The following HMG20A variants were observed in gnomAD, a reference collection of about 807,000 sequenced individuals.
HMG20A encodes the protein high mobility group 20A, also known as high mobility group protein 20A.
HMG20A carries 17 observed loss-of-function variants against 43.9 expected under a neutral mutation model. The observed-to-expected ratio is 0.39, with a 90% CI of 0.27 to 0.58. The LOEUF (loss-of-function observed/expected upper bound fraction) is 0.58, where lower values mean the gene tolerates loss of function less well. HMG20A is among the 20% of genes least tolerant of loss of function. The probability of loss-of-function intolerance (pLI) is 0.59; values close to 1 mark genes in which losing one functional copy is unlikely to be tolerated. For missense variants in HMG20A, 341 were observed against 438.2 expected (o/e 0.78, Z 1.98); for synonymous variants, 132 against 147.5 (o/e 0.89, Z 0.76).
chr15:77,511,768 G>A, the HMG20A span, among the ~76,000 whole-genome samples: 2 of 152,316 alleles, frequency 1.3e-5, no homozygotes, highest in African/African-American at 4.8e-5. Context: ...AAGCATGGGT[G>A]ATGATGTGAG....
chr15:77,477,187 GA>G (rs899132374), intron 6 of HMG20A, among the ~76,000 whole-genome samples: 1 of 151,678 alleles, frequency 6.6e-6, no homozygotes, highest in African/African-American at 2.4e-5. Context: ...AAAAGTGACT[GA>G]AAAAAAACTA....
At chr15:77,446,631 C>A (rs2073677312) in intron 1 of HMG20A, among the ~76,000 whole-genome samples, 1 of 151,948 alleles carries the variant, frequency 6.6e-6, no homozygotes, top group Non-Finnish European at 1.5e-5. Context: ...TACAGTGAAA[C>A]CCCATCTCTA....
chr15:77,453,577 A>G (rs1264105964), intron 1 of HMG20A, among the ~76,000 whole-genome samples: 1 of 152,202 alleles, frequency 6.6e-6, no homozygotes, highest in Non-Finnish European at 1.5e-5. Context: ...TCCTAGGTAT[A>G]TGCCCAAGAG....
chr15:77,517,328 T>A, the HMG20A span, among the ~76,000 whole-genome samples: 1 of 152,154 alleles, frequency 6.6e-6, no homozygotes, highest in Admixed American at 6.5e-5. Flanking sequence ...GTGTTCCCAG[T>A]GCCCAGCACA....
At chr15:77,459,589 T>G (rs1042372137) in intron 2 of HMG20A, among the ~76,000 whole-genome samples, 1 of 152,190 alleles carries the variant, frequency 6.6e-6, no homozygotes, top group South Asian at 2.1e-4. Context: ...AATAAAGACC[T>G]GAAGGAAATA....
At chr15:77,506,754 A>C in the HMG20A span, among the ~76,000 whole-genome samples, 3 of 152,250 alleles carry the variant, frequency 2.0e-5, no homozygotes, top group Non-Finnish European at 4.4e-5. Context: ...AGAGGCTCCC[A>C]GACCCTGGAG....
chr15:77,483,675 T>A lies in HMG20A; in HGVS notation c.*712T>A, dbSNP rs915547080. 6.5e-6 allele frequency: 1 copy of A among 152,868 alleles called. No individual in the cohort carries two copies. Among genetic ancestry groups the A allele is most frequent in the Non-Finnish European group, 1.5e-5 (1 of 68,208 alleles). 9.5% of individuals were successfully genotyped at this position (152,868 alleles called of 1,614,324 possible). On this transcript the variant is annotated 3_prime_UTR_variant, in exon 10 of 10. Coordinates refer to ENST00000336216, the MANE Select transcript of HMG20A (RefSeq NM_001304504.2). ...ATTGCTGCCCTAAAGGAGAATGCTC[T>A]TTCCTTCCTCACTGGTACTGCCTGC... is the stretch of plus-strand genomic sequence containing the variant.
At chr15:77,452,959 G>C (rs2012756) in intron 1 of HMG20A, among the ~76,000 whole-genome samples, 33,346 of 152,212 alleles carry the variant, frequency 0.22, 4,139 homozygotes, top group Middle Eastern at 0.3. Context: ...GAGTGTGGTG[G>C]CTCACGCCTA....
At position 77,471,805 on chromosome 15, in the gene HMG20A, T is replaced by A; in HGVS notation, c.606T>A (p.His202Gln). 2 of 1,561,358 alleles carry A rather than the reference T, an allele frequency of 1.3e-6. No individual in the cohort carries two copies. The highest frequency in any genetic ancestry group is 1.8e-6 in the Non-Finnish European group (2 of 1,139,260). The change falls in exon 6 of 10, where the codon CAT (histidine) becomes CAA (glutamine). Residue 202 changes from histidine (H) to glutamine (Q), a missense_variant. His to Gln is a conservative substitution (Grantham distance 24, BLOSUM62 0). This residue lies in a region of HMG20A where 220 missense variants were observed against 263.6 expected (regional missense o/e 0.83). Transcript: ENST00000336216. Reference protein sequence around the residue: ...HRQDAARQATHDHEKETEVKE... With the variant: ...HRQDAARQATQDHEKETEVKE... Reference sequence around the variant, plus strand: ...TAGATGCAGCCCGGCAGGCCACTCATGATCATGAGGTAATTAGCCATCTGT... The same window carrying A: ...TAGATGCAGCCCGGCAGGCCACTCAAGATCATGAGGTAATTAGCCATCTGT...
chr15:77,488,791 C>CT (rs575012635), downstream of HMG20A, among the ~76,000 whole-genome samples: 4 of 152,158 alleles, frequency 2.6e-5, no homozygotes, highest in Non-Finnish European at 5.9e-5. Context: ...AAATGAGAAA[C>CT]TATCAGAATG....
At chr15:77,441,202 C>T (rs2073609497) in intron 1 of HMG20A, among the ~76,000 whole-genome samples, 1 of 152,074 alleles carries the variant, frequency 6.6e-6, no homozygotes, top group Non-Finnish European at 1.5e-5. Context: ...CCAAGTTCCA[C>T]AGCTAATACG....
In HMG20A at chr15:77,467,225, C is replaced by T; in HGVS notation, c.368C>T (p.Ala123Val). The T allele has an allele frequency of 1.2e-6, 2 of 1,614,096 alleles. No individual in the cohort carries two copies. The highest frequency in any genetic ancestry group is 1.7e-6 in the Non-Finnish European group (2 of 1,180,004). The change falls in exon 4 of 10, where the codon GCA becomes GTA. Residue 123 changes from alanine (A) to valine (V), a missense_variant. Ala to Val is a moderately conservative substitution (Grantham distance 64). This residue lies in a region of HMG20A where 220 missense variants were observed against 263.6 expected (regional missense o/e 0.83). Transcript: ENST00000336216. Reference sequence around the variant, plus strand: ...AATGAGCGTCGAGAACAACTTCGAGCAAAGAGACCAGAAGTCCCATTTCCA... The same window carrying T: ...AATGAGCGTCGAGAACAACTTCGAGTAAAGAGACCAGAAGTCCCATTTCCA... ...FMNERREQLR[A>V]KRPEVPFPEI... is the part of the protein sequence containing the mutation.
intron 1 of HMG20A, among the ~76,000 whole-genome samples, chr15:77,424,374 G>T (rs1209187148): frequency 6.6e-6 from 1 of 152,134 alleles, no homozygotes; most frequent in African/African-American, 2.4e-5. Flanking sequence ...CCCAAATTCA[G>T]CACTGGTCTC....
intron 1 of HMG20A, among the ~76,000 whole-genome samples, chr15:77,452,931 A>G (rs934620168): frequency 6.6e-6 from 1 of 152,334 alleles, no homozygotes; most frequent in East Asian, 1.9e-4. Context: ...CCAATTTTAA[A>G]AATGAGCAAA....
At chr15:77,453,875 T>C (rs894809826) in intron 1 of HMG20A, among the ~76,000 whole-genome samples, 7 of 151,752 alleles carry the variant, frequency 4.6e-5, no homozygotes, top group South Asian at 2.1e-4. Flanking sequence ...GGTACAGTTA[T>C]AAAGACAGAA....
At chr15:77,503,702 G>A in the HMG20A span, among the ~76,000 whole-genome samples, 1 of 152,208 alleles carries the variant, frequency 6.6e-6, no homozygotes. Flanking sequence ...CCTGGTCAGT[G>A]GTGCTCCCTC....
At position 77,485,449 on chromosome 15, in the gene HMG20A, T is replaced by G. The variant is rs181834443; in HGVS notation, c.*2486T>G. The G allele has an allele frequency of 2.0e-5, 3 of 152,774 alleles. No homozygotes were observed. The highest frequency in any genetic ancestry group is 2.0e-4 in the Admixed American group (3 of 15,300). The allele number at this position is 152,774 out of a possible 1,614,324, so 9.5% of individuals were successfully genotyped here. ...ACAAGGTATTTTATTTCTGACTGAT[T>G]TTAGAAAAAACTTGTGTACATGTGT... On this transcript the variant is annotated 3_prime_UTR_variant, in exon 10 of 10. Transcript: ENST00000336216.
the HMG20A span, among the ~76,000 whole-genome samples, chr15:77,492,586 G>A: frequency 6.6e-6 from 1 of 152,050 alleles, no homozygotes; most frequent in Non-Finnish European, 1.5e-5. Context: ...GGGAGGCTGA[G>A]GCAGGAGGAT....
chr15:77,510,352 C>A, the HMG20A span, among the ~76,000 whole-genome samples: 5 of 152,228 alleles, frequency 3.3e-5, no homozygotes, highest in Non-Finnish European at 7.3e-5. Context: ...GACAGAGACA[C>A]TCCTCCCCCT....
Sources: allele counts gnomAD v4.1 joint callset (sites outside exome capture counted in the v4.1 genomes callset), GRCh38; gene constraint gnomAD v4.1.1; regional missense constraint gnomAD v4.1.1; transcripts MANE v1.5; gene names NCBI Gene and HGNC (gene_info 2026-07-23, HGNC 2026-07-21).